RASSF3: variants seen among roughly 807,000 people sequenced by gnomAD.
RASSF3 encodes the protein Ras association domain family member 3.
Under a neutral mutation model 19.9 loss-of-function variants are expected in RASSF3, and 19 were observed. The ratio of observed to expected loss-of-function variants is 0.96; its 90% CI spans 0.67 to 1.40. The LOEUF (loss-of-function observed/expected upper bound fraction) is 1.40. Ranked by LOEUF, RASSF3 falls within the 40% of genes most tolerant of loss-of-function variation. The pLI is 0.00. For missense variants in RASSF3, 306 were observed against 289.8 expected (o/e 1.06, Z -0.41); for synonymous variants, 110 against 104.2 (o/e 1.06, Z -0.34).
intron 1 of RASSF3, among the ~76,000 whole-genome samples, chr12:64,640,554 T>C (rs1054743281): frequency 1.3e-5 from 2 of 152,222 alleles, no homozygotes; most frequent in African/African-American, 2.4e-5. Flanking sequence ...AATTATGCAG[T>C]ATTTGTCCTT....
In RASSF3 at chr12:64,657,383, C is replaced by T. The variant is rs556320140; in HGVS notation, c.112-27404C>T. Among the ~76,000 whole-genome samples, 3 of 152,302 alleles carry T rather than the reference C, an allele frequency of 2.0e-5. No individual in the cohort carries two copies. In the South Asian group the frequency reaches 6.2e-4, roughly 32 times the overall value. On this transcript the variant is annotated intron_variant, in intron 1 of 4. Coordinates refer to ENST00000542104, the MANE Select transcript of RASSF3 (RefSeq NM_178169.4). ...ATGGTTCCACAATATTGTGAATGAACTCAGTGTCAAATAACTATATACTGA... is the reference window on the plus strand; with the variant it reads ...ATGGTTCCACAATATTGTGAATGAATTCAGTGTCAAATAACTATATACTGA...
At chr12:64,663,297 C>T (rs1872432236) in intron 1 of RASSF3, among the ~76,000 whole-genome samples, 1 of 151,974 alleles carries the variant, frequency 6.6e-6, no homozygotes, top group African/African-American at 2.4e-5. Flanking sequence ...AACACATTCT[C>T]AAAGCATGGT....
intron 2 of RASSF3, among the ~76,000 whole-genome samples, chr12:64,585,118 T>G (rs1018407345): frequency 6.6e-6 from 1 of 152,072 alleles, no homozygotes; most frequent in African/African-American, 2.4e-5. Flanking sequence ...TCTCTTGACC[T>G]CATGATCTGC....
chr12:64,533,205 G>T (rs958328408), upstream of RASSF3: 4 of 152,244 alleles, frequency 2.6e-5, no homozygotes, highest in Non-Finnish European at 5.9e-5. Context: ...GGCCTGGCCG[G>T]CTCAGCCTGT....
chr12:64,683,933 G>A (rs992781193), intron 1 of RASSF3, among the ~76,000 whole-genome samples: 1 of 151,398 alleles, frequency 6.6e-6, no homozygotes, highest in African/African-American at 2.4e-5. Flanking sequence ...CGTAATTGGT[G>A]GATGAGCCTG....
intron 1 of RASSF3, among the ~76,000 whole-genome samples, chr12:64,520,555 C>CACATATATATATATAT (rs1435123674): frequency 9.4e-4 from 81 of 86,194 alleles, no homozygotes; most frequent in East Asian, 1.8e-3. Flanking sequence ...CACATACACA[C>CACATATATATATATAT]ATATATATAT....
At chr12:64,628,736 A>G in intron 1 of RASSF3, among the ~76,000 whole-genome samples, 1 of 152,064 alleles carries the variant, frequency 6.6e-6, no homozygotes, top group Non-Finnish European at 1.5e-5. Context: ...ACCTAAGGTG[A>G]TCTGCCTGCC....
At chr12:64,638,396 C>G (rs900202212) in intron 1 of RASSF3, among the ~76,000 whole-genome samples, 2 of 151,920 alleles carry the variant, frequency 1.3e-5, no homozygotes, top group East Asian at 3.9e-4. Context: ...CTGGCTAATA[C>G]GGTGAAACCC....
At chr12:64,568,220 C>G (rs1314152173) in intron 2 of RASSF3, among the ~76,000 whole-genome samples, 1 of 151,644 alleles carries the variant, frequency 6.6e-6, no homozygotes, top group African/African-American at 2.4e-5. Flanking sequence ...TTAGTAGAGA[C>G]AGGGGTTTCA....
At chr12:64,579,042 G>T (rs544293085) in intron 2 of RASSF3, among the ~76,000 whole-genome samples, 24 of 151,920 alleles carry the variant, frequency 1.6e-4, no homozygotes, top group Non-Finnish European at 2.9e-4. Flanking sequence ...CAGGAGAATC[G>T]CTTGAACCCA....
chr12:64,639,604 T>C (rs1871441108), intron 1 of RASSF3, among the ~76,000 whole-genome samples: 1 of 152,198 alleles, frequency 6.6e-6, no homozygotes, highest in Admixed American at 6.5e-5. Flanking sequence ...TCACCTGGAA[T>C]GCTCCCTTTG....
At chr12:64,676,467 CTTTTTTTTT>C (rs34917109) in intron 1 of RASSF3, among the ~76,000 whole-genome samples, 7 of 69,772 alleles carry the variant, frequency 1.0e-4, no homozygotes, top group Admixed American at 3.7e-4. Flanking sequence ...CTGTGCCCAG[CTTTTTTTTT>C]TTTTTTTTTT....
intron 1 of RASSF3, among the ~76,000 whole-genome samples, chr12:64,673,732 A>G (rs991078903): frequency 3.3e-5 from 5 of 152,112 alleles, no homozygotes; most frequent in Admixed American, 3.3e-4. Flanking sequence ...ATTTGAGGAA[A>G]ATTAAACCAG....
intron 1 of RASSF3, among the ~76,000 whole-genome samples, chr12:64,624,492 C>A (rs568132257): frequency 1.3e-5 from 2 of 151,732 alleles, no homozygotes; most frequent in East Asian, 3.9e-4. Flanking sequence ...TCAGTTTGGT[C>A]TTGAACTCCT....
chr12:64,622,474 CT>C lies in RASSF3; in HGVS notation c.111+11735del, dbSNP rs145737927. On this transcript the variant is annotated intron_variant, in intron 1 of 4. Transcript: ENST00000542104. ...TACTGTTTACTTATAGGCTTACTGTCTTTTGTTGAAAAATTGCGATGAGAAA... is the reference window on the plus strand; with the variant it reads ...TACTGTTTACTTATAGGCTTACTGTCTTTGTTGAAAAATTGCGATGAGAAA... 1.5e-3 allele frequency: 812 copies of C among 531,182 alleles called. 19 individuals are homozygous for C. In the East Asian group the frequency reaches 0.043, roughly 28 times the overall value. 32.9% of individuals were successfully genotyped at this position (531,182 alleles called of 1,614,324 possible).
chr12:64,569,417 A>G (rs1299406615), intron 2 of RASSF3, among the ~76,000 whole-genome samples: 2 of 152,216 alleles, frequency 1.3e-5, no homozygotes, highest in Non-Finnish European at 2.9e-5. Flanking sequence ...TGCTTTGTGC[A>G]GTGCACAAAC....
intron 1 of RASSF3, among the ~76,000 whole-genome samples, chr12:64,669,457 G>A (rs74721147): frequency 1.3e-5 from 2 of 152,134 alleles, no homozygotes; most frequent in Non-Finnish European, 2.9e-5. Flanking sequence ...TTAAGACTGT[G>A]TTGACTCTTC....
chr12:64,688,079 C>T (rs1197751241), intron 2 of RASSF3, 137 bp from the exon 3 acceptor site: 4 of 728,662 alleles, frequency 5.5e-6, no homozygotes, highest in Admixed American at 4.2e-5. Flanking sequence ...TGGGGGCAAT[C>T]TTTAGTGAAG....
intron 2 of RASSF3, among the ~76,000 whole-genome samples, chr12:64,560,095 G>A (rs969675680): frequency 3.3e-5 from 5 of 152,164 alleles, no homozygotes; most frequent in African/African-American, 1.2e-4. Flanking sequence ...TGAAATGATG[G>A]GCCAGCCCGG....
Sources: gnomAD v4.1 joint callset for allele counts (sites outside exome capture counted in the v4.1 genomes callset) on GRCh38, gnomAD v4.1.1 for gene constraint, MANE v1.5 for transcripts, NCBI Gene and HGNC (gene_info 2026-07-23, HGNC 2026-07-21) for gene names.